The following FOXK1 variants were observed in gnomAD, a reference collection of about 807,000 sequenced individuals.
FOXK1 encodes forkhead box protein K1.
A neutral mutation model predicts 51.9 loss-of-function variants in FOXK1; 19 were observed. The ratio of observed to expected loss-of-function variants is 0.37; its 90% CI spans 0.26 to 0.54. The LOEUF is 0.54. FOXK1 is among the 20% of genes least tolerant of loss of function. The probability of loss-of-function intolerance (pLI) is 0.87; values close to 1 mark genes in which losing one functional copy is unlikely to be tolerated. For missense variants in FOXK1, 870 were observed against 1,032.7 expected, an observed-to-expected ratio of 0.84 and a Z score of 2.16; for synonymous variants, 537 against 482.6, an observed-to-expected ratio of 1.11 and a Z score of -1.48.
rs186279629 is a variant in FOXK1 at position 4,745,628 on chromosome 7, G to A, written c.746+4605G>A. Among the ~76,000 whole-genome samples the A allele has an allele frequency of 1.6e-4, 24 of 152,224 alleles. No individual in the cohort carries two copies. In the East Asian group the frequency reaches 4.2e-3, roughly 27 times the overall value. ...AAAGAAGGATTTTTACAGGCCAGGC[G>A]CCCGGTGGCTCAGGCCTGTAATCCC... On this transcript the variant is annotated intron_variant, in intron 2 of 8. Transcript: ENST00000328914. This position sits in a 1 kb window ranked among gnomAD's most constrained non-coding sequence, Gnocchi z 4.3.
chr7:4,771,083 C>CG lies in FOXK1; in HGVS notation c.*8626dup, dbSNP rs980201202. 5 of 152,408 alleles carry CG rather than the reference C, an allele frequency of 3.3e-5. No individual in the cohort carries two copies. Among genetic ancestry groups the CG allele is most frequent in the Admixed American group, 6.6e-5 (1 of 15,248 alleles). The allele number at this position is 152,408 out of a possible 1,614,324, so 9.4% of individuals were successfully genotyped here. A position where few individuals can be genotyped will look rare whatever the true frequency, so the allele number is the denominator to read the frequency against. On this transcript the variant is annotated 3_prime_UTR_variant, in exon 9 of 9. Transcript: ENST00000328914. Reference sequence around the variant, plus strand: ...TGGAGGAGTGAAGGTGGGCGCCCGGCGGGGGGGTGTGGCTGCACCCCAGCA... The same window carrying CG: ...TGGAGGAGTGAAGGTGGGCGCCCGGCGGGGGGGGTGTGGCTGCACCCCAGCA...
At chr7:4,741,077 G>A (rs921103842) in intron 2 of FOXK1, 54 bp downstream of exon 2, 36 of 1,290,492 alleles carry the variant, frequency 2.8e-5, no homozygotes, top group African/African-American at 1.6e-4. Context: ...GGGATGATGC[G>A]AGCGTGCCTG....
At chr7:4,704,834 C>CTTTTTTT (rs775099211) in intron 1 of FOXK1, among the ~76,000 whole-genome samples, 9 of 131,398 alleles carry the variant, frequency 6.8e-5, no homozygotes, top group African/African-American at 2.9e-4. Context: ...ATGTTTCATT[C>CTTTTTTT]TTTTTTTTTT....
intron 2 of FOXK1, among the ~76,000 whole-genome samples, chr7:4,750,309 C>T (rs1780758664): frequency 6.6e-6 from 1 of 152,178 alleles, no homozygotes; most frequent in South Asian, 2.1e-4. Flanking sequence ...GTACTTACCC[C>T]AGAAGGAGTG....
In FOXK1 at chr7:4,766,685, C is replaced by T. The variant is rs1227544814; in HGVS notation, c.*4221C>T. 1 of 152,242 alleles carries T rather than the reference C, an allele frequency of 6.6e-6. No homozygotes were observed. Among genetic ancestry groups the T allele is most frequent in the Non-Finnish European group, 1.5e-5 (1 of 68,102 alleles). 9.4% of individuals were successfully genotyped at this position (152,242 alleles called of 1,614,324 possible). A position where few individuals can be genotyped will look rare whatever the true frequency, so the allele number is the denominator to read the frequency against. ...CTGCCCCCTCCAGACTGCCGAAGCC[C>T]CCAAGAAGTTTTGAGCCCAGCTGGG... On this transcript the variant is annotated 3_prime_UTR_variant, in exon 9 of 9. Coordinates refer to ENST00000328914, the MANE Select transcript of FOXK1 (RefSeq NM_001037165.2). The surrounding 1 kb of genome is among the most constrained non-coding windows in gnomAD (Gnocchi z 5.5).
At chr7:4,700,215 G>A (rs939164851) in intron 1 of FOXK1, among the ~76,000 whole-genome samples, 7 of 152,200 alleles carry the variant, frequency 4.6e-5, no homozygotes, top group South Asian at 2.1e-4. Flanking sequence ...GCAGGACCAC[G>A]TTTTTCTTGT....
At chr7:4,686,531 CAG>C (rs1438468353) in intron 1 of FOXK1, among the ~76,000 whole-genome samples, 1 of 152,154 alleles carries the variant, frequency 6.6e-6, no homozygotes, top group African/African-American at 2.4e-5. Flanking sequence ...CTCCCAGGCA[CAG>C]GGGGAGTGTG....
rs28522945 is a variant in FOXK1 at position 4,748,030 on chromosome 7, G to A, written c.747-6429G>A. Among the ~76,000 whole-genome samples, 3,423 of 152,146 alleles carry A rather than the reference G, an allele frequency of 0.022. 126 individuals are homozygous for A. The highest frequency in any genetic ancestry group is 0.077 in the African/African-American group (3,213 of 41,466). ...TAGCTTCCCAGCATTTTACAATGTCGGATTTATCTTAAAGGAACACATTCT... is the reference window on the plus strand; with the variant it reads ...TAGCTTCCCAGCATTTTACAATGTCAGATTTATCTTAAAGGAACACATTCT... On this transcript the variant is annotated intron_variant, in intron 2 of 8. Coordinates refer to ENST00000328914, the MANE Select transcript of FOXK1 (RefSeq NM_001037165.2). This position sits in a 1 kb window ranked among gnomAD's most constrained non-coding sequence, Gnocchi z 4.9.
rs1460215539 is a variant in FOXK1 at position 4,743,639 on chromosome 7, C to G, written c.746+2616C>G. On this transcript the variant is annotated intron_variant, in intron 2 of 8. Transcript: ENST00000328914. The surrounding 1 kb of genome is among the most constrained non-coding windows in gnomAD (Gnocchi z 5.3). ...GCAGTATATGTACTTAAGTCTTCAC[C>G]TAGTACCACCTTAAAGGCGCTGTAG... 6.6e-6 allele frequency among the ~76,000 whole-genome samples: 1 copy of G among 152,220 alleles called. No homozygotes were observed. The highest frequency in any genetic ancestry group is 6.5e-5 in the Admixed American group (1 of 15,280).
chr7:4,687,640 A>G (rs984273312), intron 1 of FOXK1, among the ~76,000 whole-genome samples: 1 of 152,110 alleles, frequency 6.6e-6, no homozygotes, highest in African/African-American at 2.4e-5. Flanking sequence ...CATTTACCCA[A>G]TTCAAAATTC....
chr7:4,767,581 G>A lies in FOXK1; in HGVS notation c.*5117G>A, dbSNP rs1377696880. The A allele has an allele frequency of 1.3e-5, 2 of 152,224 alleles. No homozygotes were observed. The highest frequency in any genetic ancestry group is 4.8e-5 in the African/African-American group (2 of 41,450). The allele number at this position is 152,224 out of a possible 1,614,324, so 9.4% of individuals were successfully genotyped here. ...CGGGACTCAGCTCCAGAGGTTCCTG[G>A]GTAATGTATTGTGGCTCTTGGAAAT... On this transcript the variant is annotated 3_prime_UTR_variant, in exon 9 of 9. Transcript: ENST00000328914. This position sits in a 1 kb window ranked among gnomAD's most constrained non-coding sequence, Gnocchi z 6.6.
Position 4,683,301 on chromosome 7 carries a change from C to T in FOXK1, c.560+433C>T, listed in dbSNP as rs1455287366. Among the ~76,000 whole-genome samples, 1 of 150,724 alleles carries T rather than the reference C, an allele frequency of 6.6e-6. No individual in the cohort carries two copies. The highest frequency in any genetic ancestry group is 1.5e-5 in the Non-Finnish European group (1 of 67,614). ...ACCCCTGACCCAGATCCCTGCTGCT[C>T]CCCAGCTCCCATCGGCCTGGACTCC... On this transcript the variant is annotated intron_variant, in intron 1 of 8. Transcript: ENST00000328914. This position sits in a 1 kb window ranked among gnomAD's most constrained non-coding sequence, Gnocchi z 4.5.
intron 1 of FOXK1, among the ~76,000 whole-genome samples, chr7:4,686,024 G>C (rs943803662): frequency 6.6e-5 from 10 of 152,030 alleles, no homozygotes; most frequent in African/African-American, 2.2e-4. Context: ...AAATTTTAAG[G>C]ATTTCAGCGC....
rs571102618 is a variant in FOXK1 at position 4,766,827 on chromosome 7, G to C, written c.*4363G>C. The C allele has an allele frequency of 6.6e-6, 1 of 152,374 alleles. No individual in the cohort carries two copies. The highest frequency in any genetic ancestry group is 2.1e-4 in the South Asian group (1 of 4,830). The allele number at this position is 152,374 out of a possible 1,614,324, so 9.4% of individuals were successfully genotyped here. ...AGGGCCCTCCCTGGAGCACCCCCGG[G>C]GAGCTGGGACTCTCCAGAAAGCCCC... On this transcript the variant is annotated 3_prime_UTR_variant, in exon 9 of 9. Transcript: ENST00000328914. The surrounding 1 kb of genome is among the most constrained non-coding windows in gnomAD (Gnocchi z 5.5).
In FOXK1 at chr7:4,711,778, C is replaced by G. The variant is rs984399585; in HGVS notation, c.560+28910C>G. On this transcript the variant is annotated intron_variant, in intron 1 of 8. Transcript: ENST00000328914. This position sits in a 1 kb window ranked among gnomAD's most constrained non-coding sequence, Gnocchi z 6.3. ...GCCACAAGTCGGCAACGTAGTGCCTCCAGGGCAGATGCCACGGACCGTAGA... is the reference window on the plus strand; with the variant it reads ...GCCACAAGTCGGCAACGTAGTGCCTGCAGGGCAGATGCCACGGACCGTAGA... Among the ~76,000 whole-genome samples, 5 of 152,234 alleles carry G rather than the reference C, an allele frequency of 3.3e-5. No homozygotes were observed. The highest frequency in any genetic ancestry group is 7.3e-5 in the Non-Finnish European group (5 of 68,044).
rs372705692 is a variant in FOXK1 at position 4,750,213 on chromosome 7, G to A, written c.747-4246G>A. On this transcript the variant is annotated intron_variant, in intron 2 of 8. Coordinates refer to ENST00000328914, the MANE Select transcript of FOXK1 (RefSeq NM_001037165.2). ...CGGGGGGCACAGGCGTTTGATTCCC[G>A]CGACGTCTGTGGGCTGTCACTGTCC... Among the ~76,000 whole-genome samples, 454 of 152,236 alleles carry A rather than the reference G, an allele frequency of 3.0e-3. 3 individuals carry two copies. Among genetic ancestry groups the A allele is most frequent in the African/African-American group, 0.01 (418 of 41,552 alleles).
chr7:4,705,382 A>G (rs1007487681), intron 1 of FOXK1, among the ~76,000 whole-genome samples: 16 of 149,610 alleles, frequency 1.1e-4, no homozygotes, highest in African/African-American at 3.7e-4. Context: ...GGGTCTTGGT[A>G]TGTTGCCCAG....
chr7:4,698,552 T>TTTG (rs1014194893), intron 1 of FOXK1, among the ~76,000 whole-genome samples: 20 of 152,032 alleles, frequency 1.3e-4, no homozygotes, highest in Admixed American at 7.9e-4. Flanking sequence ...CACGTACCTC[T>TTTG]TTGTTGTTGT....
Position 4,755,036 on chromosome 7 carries a change from T to A in FOXK1, c.904-201T>A. On this transcript the variant is annotated intron_variant, in intron 3 of 8. Coordinates refer to ENST00000328914, the MANE Select transcript of FOXK1 (RefSeq NM_001037165.2). The surrounding 1 kb of genome is among the most constrained non-coding windows in gnomAD (Gnocchi z 6.6). ...GAATTAAATTATAATAAAACCGAAG[T>A]TTTCCTTCCCATGAGGCAAAAATGG... 1 of 626,158 alleles carries A rather than the reference T, an allele frequency of 1.6e-6. No homozygotes were observed. The highest frequency in any genetic ancestry group is 2.2e-5 in the South Asian group (1 of 45,570). The allele number at this position is 626,158 out of a possible 1,614,324, so 38.8% of individuals were successfully genotyped here. A position where few individuals can be genotyped will look rare whatever the true frequency, so the allele number is the denominator to read the frequency against.
Sources: allele counts gnomAD v4.1 joint callset (sites outside exome capture counted in the v4.1 genomes callset), GRCh38; gene constraint gnomAD v4.1.1; non-coding constraint Gnocchi (gnomAD v3.1); transcripts MANE v1.5; gene names NCBI Gene and HGNC (gene_info 2026-07-23, HGNC 2026-07-21).